Variants in USH2A observed in about 807,000 individuals in gnomAD.
The protein encoded by USH2A is Usher syndrome 2A (autosomal recessive, mild).
A neutral mutation model predicts 538.9 loss-of-function variants in USH2A; 443 were observed. The ratio of observed to expected loss-of-function variants is 0.82; its 90% CI spans 0.76 to 0.89. The LOEUF is 0.89. Among genes scored for constraint, USH2A ranks in the 40% least tolerant of loss-of-function variants. The probability of loss-of-function intolerance (pLI) is 0.00; values close to 1 mark genes in which losing one functional copy is unlikely to be tolerated. For missense variants in USH2A, 6,633 were observed against 6,324.8 expected, an observed-to-expected ratio of 1.05 and a Z score of -1.65; for synonymous variants, 2,413 against 2,273.5, an observed-to-expected ratio of 1.06 and a Z score of -1.75.
chr1:216,130,675 G>A (rs992514004), intron 21 of USH2A, among the ~76,000 whole-genome samples: 4 of 145,932 alleles, frequency 2.7e-5, no homozygotes, highest in Admixed American at 6.9e-5. Context: ...TATATATCAC[G>A]TATATATATA....
At position 216,323,500 on chromosome 1, in the gene USH2A, T is replaced by C. The variant is rs1220667744; in HGVS notation, c.1524A>G (p.Ala508=). ...TCCCACTAATGGTGATTTCGTCCAC[T>C]GCATAATATCTGTGTCTGAGGTTAA... ...TAVNLRHRYY[A]VDEITISGRC... Residue 508 remains alanine (A), a synonymous_variant, in exon 8 of 72, where the codon GCA becomes GCG. Coordinates refer to ENST00000307340, the MANE Select transcript of USH2A (RefSeq NM_206933.4). The C allele has an allele frequency of 6.2e-7, 1 of 1,613,502 alleles. No homozygotes were observed. Among genetic ancestry groups the C allele is most frequent in the Non-Finnish European group, 8.5e-7 (1 of 1,179,678 alleles).
At position 215,787,882 on chromosome 1, in the gene USH2A, A is replaced by G. The variant is rs1046720171; in HGVS notation, c.10183-1008T>C. Among the ~76,000 whole-genome samples the G allele has an allele frequency of 2.1e-4, 32 of 152,030 alleles. 1 individual carries two copies. Among genetic ancestry groups the G allele is most frequent in the African/African-American group, 1.2e-4 (5 of 41,362 alleles). ...AACATGGCGAAACCCTGTCACTACT[A>G]AAAAAACAAAAATTAGCTGGGCTTG... On this transcript the variant is annotated intron_variant, in intron 51 of 71. Coordinates refer to ENST00000307340, the MANE Select transcript of USH2A (RefSeq NM_206933.4).
chr1:216,189,306 AG>A lies in USH2A; in HGVS notation c.4396+916del, dbSNP rs566086162. Reference sequence around the variant, plus strand: ...CTACATAATTGGACCTATTAATAATAGGATGAAGGGATTTGGGGAGGAGGTC... The same window carrying A: ...CTACATAATTGGACCTATTAATAATAGATGAAGGGATTTGGGGAGGAGGTC... On this transcript the variant is annotated intron_variant, in intron 20 of 71. Transcript: ENST00000307340. 1.6e-3 allele frequency among the ~76,000 whole-genome samples: 246 copies of A among 152,064 alleles called. 2 individuals carry two copies. Among genetic ancestry groups the A allele is most frequent in the Non-Finnish European group, 1.5e-3 (100 of 67,912 alleles).
intron 61 of USH2A, among the ~76,000 whole-genome samples, chr1:215,716,524 CTG>C (rs1471684170): frequency 5.3e-5 from 8 of 152,230 alleles, no homozygotes; most frequent in Admixed American, 1.3e-4. Flanking sequence ...AAATAAAACT[CTG>C]TATCATAATC....
chr1:216,010,567 A>C (rs1490065501), intron 32 of USH2A, among the ~76,000 whole-genome samples: 1 of 151,602 alleles, frequency 6.6e-6, no homozygotes, highest in Non-Finnish European at 1.5e-5. Flanking sequence ...TCCCCTTCTT[A>C]ATCAATACGG....
At chr1:215,821,156 AC>A (rs1663002095) in intron 47 of USH2A, among the ~76,000 whole-genome samples, 2 of 151,588 alleles carry the variant, frequency 1.3e-5, no homozygotes, top group South Asian at 4.2e-4. Context: ...TTCATGAGGA[AC>A]CCCCATACAA....
At chr1:216,101,855 G>A (rs2032588518) in intron 21 of USH2A, among the ~76,000 whole-genome samples, 1 of 152,120 alleles carries the variant, frequency 6.6e-6, no homozygotes, top group Non-Finnish European at 1.5e-5. Context: ...CATGAGATGT[G>A]TAAAATAAAC....
chr1:215,838,201 T>G, intron 46 of USH2A, 98 bp from the exon 47 acceptor site: 16 of 971,346 alleles, frequency 1.6e-5, no homozygotes, highest in Non-Finnish European at 2.3e-5. Flanking sequence ...CATGAATCTC[T>G]TGTATTTCTC....
rs141288052 is a variant in USH2A at position 216,249,877 on chromosome 1, T to TGA, written c.2167+1024_2167+1025dup. ...ACATGTAAGCATTCGTGTGTGTGTGTGAGAGAGAGAGAGAGAGAGGAGTGT... is the reference window on the plus strand; with the variant it reads ...ACATGTAAGCATTCGTGTGTGTGTGTGAGAGAGAGAGAGAGAGAGAGGAGTGT... On this transcript the variant is annotated intron_variant, in intron 12 of 71. Transcript: ENST00000307340. Among the ~76,000 whole-genome samples, 609 of 148,564 alleles carry TGA rather than the reference T, an allele frequency of 4.1e-3. 2 individuals carry two copies. Among genetic ancestry groups the TGA allele is most frequent in the Non-Finnish European group, 4.3e-3 (287 of 67,006 alleles).
At chr1:216,281,972 T>C (rs1332572515) in intron 11 of USH2A, among the ~76,000 whole-genome samples, 2 of 150,244 alleles carry the variant, frequency 1.3e-5, no homozygotes, top group Non-Finnish European at 3.0e-5. Context: ...GTCAAAAATC[T>C]TTTTATGTGC....
At chr1:215,914,494 T>C (rs1257897597) in intron 38 of USH2A, among the ~76,000 whole-genome samples, 1 of 152,156 alleles carries the variant, frequency 6.6e-6, no homozygotes, top group Non-Finnish European at 1.5e-5. Context: ...AATTTTGTAC[T>C]TAAAAGTAAC....
intron 60 of USH2A, among the ~76,000 whole-genome samples, chr1:215,739,932 T>C (rs552390782): frequency 1.2e-4 from 18 of 152,120 alleles, no homozygotes; most frequent in Non-Finnish European, 2.2e-4. Context: ...TAACAAAGGA[T>C]GTTGAAGAGG....
At position 216,231,801 on chromosome 1, in the gene USH2A, C is replaced by G. The variant is rs546926900; in HGVS notation, c.2993+152G>C. ...GACCTCGGACCTCGTGATCCGCCTG[C>G]CTTGGTCTCTCAAAGTGCTGGGATT... is the stretch of plus-strand genomic sequence containing the variant. On this transcript the variant is annotated intron_variant, in intron 14 of 71. Coordinates refer to ENST00000307340, the MANE Select transcript of USH2A (RefSeq NM_206933.4). 5 of 863,092 alleles carry G rather than the reference C, an allele frequency of 5.8e-6. No individual in the cohort carries two copies. The East Asian group carries it at 1.0e-4, about 17-fold the overall frequency. The allele number at this position is 863,092 out of a possible 1,614,324, so 53.5% of individuals were successfully genotyped here.
At chr1:216,225,110 T>C (rs1310384666) in intron 14 of USH2A, among the ~76,000 whole-genome samples, 10 of 152,092 alleles carry the variant, frequency 6.6e-5, no homozygotes, top group Admixed American at 6.6e-4. Flanking sequence ...ACATGTGAAT[T>C]TTTTCCTTTA....
At chr1:216,416,688 C>T (rs1394654151) in intron 3 of USH2A, among the ~76,000 whole-genome samples, 1 of 151,966 alleles carries the variant, frequency 6.6e-6, no homozygotes, top group Non-Finnish European at 1.5e-5. Context: ...CATTTTATCC[C>T]CAAGGGAGTA....
At chr1:215,884,382 C>CT (rs903203554) in intron 41 of USH2A, among the ~76,000 whole-genome samples, 3 of 152,152 alleles carry the variant, frequency 2.0e-5, no homozygotes, top group African/African-American at 7.2e-5. Flanking sequence ...GAAGATTGCA[C>CT]TTTTTTTCCA....
intron 34 of USH2A, among the ~76,000 whole-genome samples, chr1:215,993,654 C>G (rs1212153451): frequency 3.9e-5 from 6 of 152,142 alleles, no homozygotes; most frequent in African/African-American, 1.4e-4. Context: ...CCTTTTATTT[C>G]TACAGTGTGA....
intron 58 of USH2A, among the ~76,000 whole-genome samples, chr1:215,753,370 A>C (rs1260013027): frequency 6.6e-6 from 1 of 151,848 alleles, no homozygotes; most frequent in Non-Finnish European, 1.5e-5. Flanking sequence ...ATGTATGTTT[A>C]TTGCGGCACT....
At chr1:215,790,317 T>C (rs758669736) in intron 50 of USH2A, 35 bp from the exon 51 acceptor site, 12 of 1,608,130 alleles carry the variant, frequency 7.5e-6, no homozygotes, top group East Asian at 2.2e-5. Flanking sequence ...GAATATGAAA[T>C]AGAAAAAGGG....
Sources: allele counts gnomAD v4.1 joint callset (sites outside exome capture counted in the v4.1 genomes callset), GRCh38; gene constraint gnomAD v4.1.1; transcripts MANE v1.5; gene names NCBI Gene and HGNC (gene_info 2026-07-23, HGNC 2026-07-21).